DPP10: variants seen among roughly 807,000 people sequenced by gnomAD.
DPP10 encodes inactive dipeptidyl peptidase 10.
Under a neutral mutation model 120.9 loss-of-function variants are expected in DPP10, and 33 were observed. That is an observed-to-expected ratio of 0.27 (90% CI 0.21 to 0.37). DPP10 has a LOEUF of 0.37. Ranked by LOEUF, DPP10 falls within the 10% of genes least tolerant of loss-of-function variation. DPP10 has a pLI of 1.00. For missense variants in DPP10, 816 were observed against 942.8 expected (o/e 0.87, Z 1.76); for synonymous variants, 337 against 326.1 (o/e 1.03, Z -0.36).
At chr2:115,186,192 C>T (rs1412441026) in intron 1 of DPP10, among the ~76,000 whole-genome samples, 2 of 152,200 alleles carry the variant, frequency 1.3e-5, no homozygotes, top group African/African-American at 4.8e-5. Context: ...TTATCTTATT[C>T]ATTCCTGGTC....
chr2:114,900,128 T>C (rs944892598), intron 1 of DPP10, among the ~76,000 whole-genome samples: 1 of 152,230 alleles, frequency 6.6e-6, no homozygotes, highest in Non-Finnish European at 1.5e-5. Flanking sequence ...ACAATTGTGA[T>C]GCCATTAACA....
chr2:114,514,884 C>T (rs553195483), intron 1 of DPP10, among the ~76,000 whole-genome samples: 63 of 151,728 alleles, frequency 4.2e-4, no homozygotes, highest in Middle Eastern at 3.4e-3. Context: ...TTACCCATTA[C>T]TCCTATTGCC....
At chr2:115,116,016 C>A (rs183263536) in intron 1 of DPP10, among the ~76,000 whole-genome samples, 6 of 152,190 alleles carry the variant, frequency 3.9e-5, no homozygotes, top group Non-Finnish European at 8.8e-5. Context: ...GAAGCATTCT[C>A]TAGCCATTTA....
intron 5 of DPP10, among the ~76,000 whole-genome samples, chr2:115,630,977 G>A (rs916550630): frequency 6.6e-6 from 1 of 150,896 alleles, no homozygotes; most frequent in African/African-American, 2.4e-5. Context: ...CAGAAGAAGT[G>A]GCACCAGCTC....
intron 1 of DPP10, among the ~76,000 whole-genome samples, chr2:114,708,150 A>C (rs574690179): frequency 6.6e-6 from 1 of 152,296 alleles, no homozygotes; most frequent in African/African-American, 2.4e-5. Flanking sequence ...AAAACAAACA[A>C]ACCTAGAATC....
At chr2:115,002,766 A>C (rs1009394256) in intron 1 of DPP10, among the ~76,000 whole-genome samples, 2 of 152,174 alleles carry the variant, frequency 1.3e-5, no homozygotes, top group African/African-American at 4.8e-5. Context: ...AAAAATACTC[A>C]ATATCACTAA....
At chr2:115,677,647 C>T (rs542613104) in intron 5 of DPP10, among the ~76,000 whole-genome samples, 1 of 152,126 alleles carries the variant, frequency 6.6e-6, no homozygotes, top group South Asian at 2.1e-4. Context: ...ATAAAATAGA[C>T]TTTAAGTAAC....
intron 3 of DPP10, among the ~76,000 whole-genome samples, chr2:115,351,667 T>C (rs2064044469): frequency 6.6e-6 from 1 of 152,120 alleles, no homozygotes; most frequent in Admixed American, 6.6e-5. Flanking sequence ...GGCTGACTTT[T>C]CTTTTCAGAG....
intron 3 of DPP10, among the ~76,000 whole-genome samples, chr2:115,364,263 G>A (rs964917621): frequency 2.0e-5 from 3 of 152,006 alleles, no homozygotes; most frequent in Non-Finnish European, 4.4e-5. Flanking sequence ...GTAGATGGGG[G>A]TGGTTAGAGT....
intron 1 of DPP10, among the ~76,000 whole-genome samples, chr2:114,983,596 T>C (rs1700220585): frequency 6.6e-6 from 1 of 152,156 alleles, no homozygotes; most frequent in Admixed American, 6.5e-5. Flanking sequence ...TTATACATGG[T>C]TAAAGGCTTT....
intron 3 of DPP10, among the ~76,000 whole-genome samples, chr2:115,384,707 A>AAGAAGAAGAAG (rs1553574793): frequency 6.7e-6 from 1 of 148,434 alleles, no homozygotes; most frequent in African/African-American, 2.5e-5. Context: ...AAGAAAGAAG[A>AAGAAGAAGAAG]AAGAAGAAGA....
At chr2:115,572,268 G>A (rs2149093935) in intron 5 of DPP10, among the ~76,000 whole-genome samples, 1 of 151,110 alleles carries the variant, frequency 6.6e-6, no homozygotes, top group South Asian at 2.1e-4. Flanking sequence ...AAGATATTAT[G>A]TGCCTTTTAA....
chr2:115,737,960 GT>G (rs1412170709), intron 8 of DPP10, among the ~76,000 whole-genome samples: 2 of 152,160 alleles, frequency 1.3e-5, no homozygotes, highest in Non-Finnish European at 2.9e-5. Context: ...GGTTGCCTCT[GT>G]CAGCAAGAAG....
At chr2:114,870,611 C>T (rs1690618398) in intron 1 of DPP10, among the ~76,000 whole-genome samples, 1 of 137,298 alleles carries the variant, frequency 7.3e-6, no homozygotes, top group African/African-American at 2.5e-5. Flanking sequence ...GTGAAGATGT[C>T]ACCCTAGAAG....
chr2:115,154,415 TCTTA>T (rs952420345), intron 1 of DPP10, among the ~76,000 whole-genome samples: 7 of 152,150 alleles, frequency 4.6e-5, no homozygotes, highest in African/African-American at 1.7e-4. Context: ...TCTGATGGGT[TCTTA>T]CTCATATCCA....
intron 1 of DPP10, among the ~76,000 whole-genome samples, chr2:114,481,943 A>AG: frequency 7.1e-6 from 1 of 141,268 alleles, no homozygotes; most frequent in Admixed American, 6.8e-5. Flanking sequence ...GAGAAGAAGG[A>AG]GAAGAGAGGA....
chr2:114,556,511 A>G (rs1424287728), intron 1 of DPP10, among the ~76,000 whole-genome samples: 1 of 152,000 alleles, frequency 6.6e-6, no homozygotes, highest in African/African-American at 2.4e-5. Flanking sequence ...GTAAATAAAT[A>G]GCTCAGTGTG....
intron 1 of DPP10, among the ~76,000 whole-genome samples, chr2:114,952,312 T>C (rs958503176): frequency 6.6e-6 from 1 of 152,158 alleles, no homozygotes; most frequent in Admixed American, 6.6e-5. Context: ...ACACACGAAA[T>C]CAACCTTCTT....
intron 3 of DPP10, among the ~76,000 whole-genome samples, chr2:115,434,333 T>C (rs2071279052): frequency 1.3e-5 from 2 of 151,996 alleles, no homozygotes; most frequent in Non-Finnish European, 1.5e-5. Context: ...TGTGTCCTTT[T>C]TTTATTAAAC....
Sources: gnomAD v4.1 joint callset for allele counts (sites outside exome capture counted in the v4.1 genomes callset) on GRCh38, gnomAD v4.1.1 for gene constraint, MANE v1.5 for transcripts, NCBI Gene and HGNC (gene_info 2026-07-23, HGNC 2026-07-21) for gene names.